The following GOLGB1 variants were observed in gnomAD, a reference collection of about 807,000 sequenced individuals.
GOLGB1 encodes the protein golgin B1.
In GOLGB1, 174 loss-of-function variants were observed where a neutral mutation model predicts 336.9. That is an observed-to-expected ratio of 0.52 (90% CI 0.46 to 0.59). The LOEUF (loss-of-function observed/expected upper bound fraction) is 0.59, where lower values mean the gene tolerates loss of function less well. GOLGB1 is among the 20% of genes least tolerant of loss of function. The probability of loss-of-function intolerance (pLI) is 0.00; values close to 1 mark genes in which losing one functional copy is unlikely to be tolerated. For synonymous variants in GOLGB1, 1,208 were observed against 1,289.2 expected, an observed-to-expected ratio of 0.94 and a Z score of 1.35; for missense variants, 3,331 against 3,645.3, an observed-to-expected ratio of 0.91 and a Z score of 2.22.
rs1945283599 is a variant in GOLGB1, at chr3:121,722,673, T to TA, written c.532-296dup. ...TACAGTTAAATTAGGCAGACCGTCC[T>TA]AAAAACCCTAAAATATAAGCTAATA... On this transcript the variant is annotated intron_variant, in intron 5 of 21. Coordinates refer to ENST00000614479, the MANE Select transcript of GOLGB1 (RefSeq NM_001366282.2). 5.9e-5 allele frequency among the ~76,000 whole-genome samples: 9 copies of TA among 152,164 alleles called. No homozygotes were observed. The South Asian group carries it at 1.9e-3, about 32-fold the overall frequency.
chr3:121,730,306 C>A, intron 2 of GOLGB1: 1 of 264,238 alleles, frequency 3.8e-6, no homozygotes, highest in South Asian at 8.4e-5. Context: ...GGGTAAAAGG[C>A]CAAAAGTTAA....
At chr3:121,700,469 T>C (rs1023500999) in intron 11 of GOLGB1, among the ~76,000 whole-genome samples, 20 of 152,068 alleles carry the variant, frequency 1.3e-4, no homozygotes, top group Non-Finnish European at 2.6e-4. Context: ...TGAGCATCAA[T>C]ATCAATATCC....
rs1163723371 is a variant in GOLGB1, at chr3:121,728,140, A to C, written c.402+1048T>G. On this transcript the variant is annotated intron_variant, in intron 4 of 21. Transcript: ENST00000614479. ...GAGAACTGACAGAGGAAAAACCAAA[A>C]GGAAAAGAAGGATCAAGGTGAAATT... Among the ~76,000 whole-genome samples the C allele has an allele frequency of 3.3e-5, 5 of 152,334 alleles. No homozygotes were observed. The South Asian group carries it at 1.0e-3, about 32-fold the overall frequency.
chr3:121,684,626 A>G (rs1033367760), intron 14 of GOLGB1, among the ~76,000 whole-genome samples: 2 of 152,210 alleles, frequency 1.3e-5, no homozygotes, highest in Admixed American at 6.5e-5. Flanking sequence ...CATATAAGCT[A>G]AAAAGCAATA....
At position 121,694,163 on chromosome 3, in the gene GOLGB1, C is replaced by T; in HGVS notation, c.6360G>A (p.Gln2120=). The T allele has an allele frequency of 6.2e-7, 1 of 1,613,702 alleles. No homozygotes were observed. The change falls in exon 13 of 22, where the codon CAG becomes CAA. Residue 2120 remains glutamine, a synonymous_variant. Transcript: ENST00000614479. ...CAAGATCTTCATCCTTTTGTTTCAT[C>T]TGGCTTTTAACTGATTCTTTATTTG... ...LQSNKESVKS[Q]MKQKDEDLER... is the part of the protein sequence containing the mutation.
chr3:121,701,093 T>C (rs184242985), intron 11 of GOLGB1, among the ~76,000 whole-genome samples: 90 of 152,096 alleles, frequency 5.9e-4, no homozygotes, highest in African/African-American at 2.0e-3. Context: ...AGGAGTACAG[T>C]GGTAGAAATG....
At chr3:121,742,504 C>T (rs1946943166) in intron 1 of GOLGB1, among the ~76,000 whole-genome samples, 1 of 152,056 alleles carries the variant, frequency 6.6e-6, no homozygotes, top group African/African-American at 2.4e-5. Context: ...GACCTAAAAC[C>T]ATAAAAAACC....
chr3:121,683,826 TAGAA>T (rs1190393105), intron 14 of GOLGB1, among the ~76,000 whole-genome samples: 1 of 151,932 alleles, frequency 6.6e-6, no homozygotes, highest in African/African-American at 2.4e-5. Flanking sequence ...CCATTAGCCT[TAGAA>T]AGAGAAGAAA....
At position 121,730,056 on chromosome 3, in the gene GOLGB1, AG is replaced by A. The variant is rs761469942; in HGVS notation, c.97-40del. 5.5e-6 allele frequency: 8 copies of A among 1,461,692 alleles called. No homozygotes were observed. In the South Asian group the frequency reaches 9.5e-5, roughly 17 times the overall value. 90.5% of individuals were successfully genotyped at this position (1,461,692 alleles called of 1,614,324 possible). A position where few individuals can be genotyped will look rare whatever the true frequency, so the allele number is the denominator to read the frequency against. On this transcript the variant is annotated intron_variant, in intron 2 of 21. Coordinates refer to ENST00000614479, the MANE Select transcript of GOLGB1 (RefSeq NM_001366282.2). ...AAAAAGTTGCCAGTGCACCAGGAAA[AG>A]GTATTAGCTTCCCAACAGGAGTTTC...
chr3:121,668,039 G>A (rs1303207511), intron 19 of GOLGB1, 22 bp downstream of exon 19: 2 of 1,354,988 alleles, frequency 1.5e-6, no homozygotes. Context: ...ATGCTCCAGG[G>A]TTTAGAGAGC....
At chr3:121,677,981 C>T (rs1940625272) in intron 15 of GOLGB1, among the ~76,000 whole-genome samples, 1 of 152,096 alleles carries the variant, frequency 6.6e-6, no homozygotes, top group South Asian at 2.1e-4. Context: ...GGTGCTATTC[C>T]CTGAAGAAAA....
rs752394125 is a variant in GOLGB1, at chr3:121,698,420, G to A, written c.2103C>T (p.Leu701=). ...LERLKSQILE[L]ELNFHKAQEI... ...CTTGTGCTTTATGAAAGTTTAGCTCGAGCTCCAAAATTTGACTTTTTAACC... is the reference window on the plus strand; with the variant it reads ...CTTGTGCTTTATGAAAGTTTAGCTCAAGCTCCAAAATTTGACTTTTTAACC... Residue 701 remains leucine, a synonymous_variant, in exon 13 of 22, where the codon CTC becomes CTT. Transcript: ENST00000614479. 31 of 1,613,602 alleles carry A rather than the reference G, an allele frequency of 1.9e-5. No homozygotes were observed. In the East Asian group the frequency reaches 5.1e-4, roughly 27 times the overall value.
chr3:121,729,295 G>C lies in GOLGB1; in HGVS notation c.295C>G (p.His99Asp), dbSNP rs777654251. 3 of 1,612,702 alleles carry C rather than the reference G, an allele frequency of 1.9e-6. No individual in the cohort carries two copies. Among genetic ancestry groups the C allele is most frequent in the Non-Finnish European group, 2.5e-6 (3 of 1,178,868 alleles). ...AAAGAAGTTAATTTGGCCTTCGCAT[G>C]AAGTTTTAGTTTTTTAATTTTGTTA... ...ADNKIKKLKL[H>D]AKAKLTSLNK... The change falls in exon 4 of 22, where the codon CAT (histidine) becomes GAT (aspartate). Residue 99 changes from histidine (H) to aspartate (D), a missense_variant. His to Asp is a moderately conservative substitution (Grantham distance 81). Transcript: ENST00000614479.
At chr3:121,715,200 G>A (rs1944661032) in intron 9 of GOLGB1, among the ~76,000 whole-genome samples, 1 of 148,426 alleles carries the variant, frequency 6.7e-6, no homozygotes, top group Non-Finnish European at 1.5e-5. Flanking sequence ...AATAGGCCTA[G>A]GCACTTTTTT....
chr3:121,743,605 AGTATAATAAAAAAAATACAG>A (rs1366797349), intron 1 of GOLGB1, among the ~76,000 whole-genome samples: 7 of 152,248 alleles, frequency 4.6e-5, no homozygotes, highest in African/African-American at 1.7e-4. Flanking sequence ...TAGAACTTAA[AGTATAATAAAAAAAATACAG>A]TTAATCAAAA....
chr3:121,674,077 T>C (rs1351920642), intron 17 of GOLGB1, among the ~76,000 whole-genome samples: 1 of 152,242 alleles, frequency 6.6e-6, no homozygotes, highest in Non-Finnish European at 1.5e-5. Context: ...ATATAAATGC[T>C]ACTGATTTTT....
chr3:121,709,729 T>C (rs1399603297), intron 10 of GOLGB1, among the ~76,000 whole-genome samples: 5 of 152,174 alleles, frequency 3.3e-5, no homozygotes, highest in East Asian at 1.9e-4. Flanking sequence ...CTTGAAATCT[T>C]TGATACAAAG....
chr3:121,720,678 T>C (rs1332814900), intron 6 of GOLGB1, among the ~76,000 whole-genome samples: 1 of 152,202 alleles, frequency 6.6e-6, no homozygotes, highest in Non-Finnish European at 1.5e-5. Context: ...ATTTGGACTC[T>C]TGTGTTTCAA....
At position 121,729,239 on chromosome 3, in the gene GOLGB1, T is replaced by C. The variant is rs559828327; in HGVS notation, c.351A>G (p.Gln117=). Residue 117 remains glutamine, a synonymous_variant, in exon 4 of 22, where the codon CAA becomes CAG. Coordinates refer to ENST00000614479, the MANE Select transcript of GOLGB1 (RefSeq NM_001366282.2). ...LNKYIEEMKA[Q]GGTVLPTEPQ... ...GTTCTGTAGGCAGAACAGTCCCTCC[T>C]TGTGCTTTCATTTCTTCTATGTATT... 1.2e-6 allele frequency: 2 copies of C among 1,613,336 alleles called. No individual in the cohort carries two copies. The highest frequency in any genetic ancestry group is 1.1e-5 in the South Asian group (1 of 91,012).
Sources: allele counts gnomAD v4.1 joint callset (sites outside exome capture counted in the v4.1 genomes callset), GRCh38; gene constraint gnomAD v4.1.1; transcripts MANE v1.5; gene names NCBI Gene and HGNC (gene_info 2026-07-23, HGNC 2026-07-21).